The following MCTP2 variants were observed in gnomAD, a reference collection of about 807,000 sequenced individuals.
The protein encoded by MCTP2 is multiple C2 and transmembrane domain containing 2, also known as multiple C2 and transmembrane domain-containing protein 2.
MCTP2 carries 132 observed loss-of-function variants against 111.6 expected under a neutral mutation model. That is an observed-to-expected ratio of 1.18 (90% confidence interval 1.03 to 1.37). MCTP2 has a LOEUF of 1.37. Among genes scored for constraint, MCTP2 ranks in the 40% most tolerant of loss-of-function variants. The pLI is 0.00. For missense variants in MCTP2, 1,183 were observed against 1,067.9 expected (o/e 1.11, Z -1.50); for synonymous variants, 395 against 387.7 (o/e 1.02, Z -0.22).
chr15:94,427,127 A>G (rs1238588287), intron 17 of MCTP2, among the ~76,000 whole-genome samples: 2 of 152,106 alleles, frequency 1.3e-5, no homozygotes, highest in East Asian at 1.9e-4. Flanking sequence ...ACTGTCTGCT[A>G]TTCTTTTTTT....
chr15:94,280,237 C>T (rs182775466), intron 1 of MCTP2, among the ~76,000 whole-genome samples: 3 of 151,882 alleles, frequency 2.0e-5, no homozygotes, highest in Admixed American at 2.0e-4. Context: ...TTTCCTTTTT[C>T]GTAGGTTTTT....
At chr15:94,409,184 A>G (rs1386466017) in intron 17 of MCTP2, among the ~76,000 whole-genome samples, 4 of 152,172 alleles carry the variant, frequency 2.6e-5, no homozygotes, top group Non-Finnish European at 4.4e-5. Context: ...CAACTAGAAT[A>G]TAAGCAGGCA....
chr15:94,450,649 G>T (rs752614880), intron 19 of MCTP2, among the ~76,000 whole-genome samples: 1 of 152,174 alleles, frequency 6.6e-6, no homozygotes, highest in South Asian at 2.1e-4. Flanking sequence ...AAGTCTAAAG[G>T]TATATTTTTG....
At chr15:94,311,398 T>G (rs294561) in intron 2 of MCTP2, among the ~76,000 whole-genome samples, 66,684 of 151,914 alleles carry the variant, frequency 0.44, 15,862 homozygotes, top group East Asian at 0.65. Context: ...TATTAATTCT[T>G]CTCTTTTTAA....
At chr15:94,445,456 G>A (rs1429893481) in intron 19 of MCTP2, among the ~76,000 whole-genome samples, 4 of 152,084 alleles carry the variant, frequency 2.6e-5, no homozygotes, top group Non-Finnish European at 5.9e-5. Flanking sequence ...TGTTAGGAAA[G>A]GCTGGTGAAT....
At chr15:94,392,265 A>G (rs994754111) in intron 14 of MCTP2, among the ~76,000 whole-genome samples, 1 of 151,938 alleles carries the variant, frequency 6.6e-6, no homozygotes, top group Non-Finnish European at 1.5e-5. Context: ...CCAGCTACTC[A>G]GGAGGCTGAA....
At chr15:94,423,287 T>C (rs1163855222) in intron 17 of MCTP2, among the ~76,000 whole-genome samples, 3 of 152,314 alleles carry the variant, frequency 2.0e-5, no homozygotes, top group South Asian at 2.1e-4. Context: ...GAGGCAGATA[T>C]TACCATTCCC....
chr15:94,315,483 T>C, intron 3 of MCTP2, 46 bp from the exon 4 acceptor site: 1 of 1,393,948 alleles, frequency 7.2e-7, no homozygotes, highest in South Asian at 1.2e-5. Flanking sequence ...ATTCTCTTGC[T>C]TGGGCCCAAG....
chr15:94,272,229 G>A (rs1281123073), intron 1 of MCTP2, among the ~76,000 whole-genome samples: 1 of 152,154 alleles, frequency 6.6e-6, no homozygotes, highest in Admixed American at 6.5e-5. Context: ...ATTGGATGGT[G>A]CTTAATTTCA....
rs75738952 is a variant in MCTP2, at chr15:94,400,622, G to T, written c.1965+627G>T. On this transcript the variant is annotated intron_variant, in intron 16 of 22. Transcript: ENST00000357742. Reference sequence around the variant, plus strand: ...TTCACTTTTTTTTTTTTTTTTTTCCGTGACCTTTACATTCCTTTTTCAGAG... The same window carrying T: ...TTCACTTTTTTTTTTTTTTTTTTCCTTGACCTTTACATTCCTTTTTCAGAG... Among the ~76,000 whole-genome samples, 157 of 127,974 alleles carry T rather than the reference G, an allele frequency of 1.2e-3. 4 individuals carry two copies. In the East Asian group the frequency reaches 0.028, roughly 23 times the overall value. The allele number at this position is 127,974 out of a possible 152,430, so 84.0% of individuals were successfully genotyped here.
chr15:94,282,257 C>A (rs1015544740), intron 1 of MCTP2, among the ~76,000 whole-genome samples: 2 of 152,100 alleles, frequency 1.3e-5, no homozygotes, highest in African/African-American at 4.8e-5. Context: ...ATTCTCTTTT[C>A]TTTATCTTTG....
intron 1 of MCTP2, among the ~76,000 whole-genome samples, chr15:94,262,153 C>T (rs1484842917): frequency 6.6e-6 from 1 of 152,020 alleles, no homozygotes; most frequent in Non-Finnish European, 1.5e-5. Flanking sequence ...TTTAGTTGGT[C>T]ACCTAAACTA....
chr15:94,394,848 A>AAT (rs2081200107), intron 14 of MCTP2, among the ~76,000 whole-genome samples: 1 of 152,210 alleles, frequency 6.6e-6, no homozygotes, highest in Non-Finnish European at 1.5e-5. Flanking sequence ...TTTTGGAATG[A>AAT]ATATATATTG....
chr15:94,402,486 C>T (rs764835796), intron 17 of MCTP2: 3 of 1,551,584 alleles, frequency 1.9e-6, no homozygotes, highest in African/African-American at 2.7e-5. Flanking sequence ...TTTCATTCAG[C>T]ACCGCAAAGA....
At chr15:94,238,470 C>T (rs1427565639) in intron 1 of MCTP2, among the ~76,000 whole-genome samples, 4 of 151,646 alleles carry the variant, frequency 2.6e-5, no homozygotes, top group East Asian at 1.9e-4. Flanking sequence ...CTTAGGTGCT[C>T]CAAGTAGAAG....
At chr15:94,432,916 G>A (rs900160644) in intron 17 of MCTP2, among the ~76,000 whole-genome samples, 1 of 152,176 alleles carries the variant, frequency 6.6e-6, no homozygotes, top group African/African-American at 2.4e-5. Context: ...TTTAGTAGAG[G>A]CATTCTCTTG....
chr15:94,312,308 G>T (rs2076180200), intron 2 of MCTP2, among the ~76,000 whole-genome samples: 2 of 152,188 alleles, frequency 1.3e-5, no homozygotes, highest in African/African-American at 4.8e-5. Context: ...GTTGAATAAG[G>T]TTCTGATTAT....
chr15:94,468,366 GTTAC>G (rs1442051226), intron 20 of MCTP2, among the ~76,000 whole-genome samples: 1 of 151,768 alleles, frequency 6.6e-6, no homozygotes, highest in Non-Finnish European at 1.5e-5. Flanking sequence ...ATTTCTGGGA[GTTAC>G]TTAACTTGAA....
chr15:94,414,901 G>A (rs943751118), intron 17 of MCTP2, among the ~76,000 whole-genome samples: 1 of 152,100 alleles, frequency 6.6e-6, no homozygotes, highest in Admixed American at 6.6e-5. Context: ...ATTTTCCAGA[G>A]ATCTGGACCT....
Sources: allele counts gnomAD v4.1 joint callset (sites outside exome capture counted in the v4.1 genomes callset), GRCh38; gene constraint gnomAD v4.1.1; transcripts MANE v1.5; gene names NCBI Gene and HGNC (gene_info 2026-07-23, HGNC 2026-07-21).